The following RETREG1 variants were observed in gnomAD, a reference collection of about 807,000 sequenced individuals.
RETREG1 encodes the protein reticulophagy regulator 1.
In RETREG1, 44 loss-of-function variants were observed where a neutral mutation model predicts 54.8. That is an observed-to-expected ratio of 0.80 (90% CI 0.63 to 1.03). The LOEUF is 1.03. RETREG1 is among the 50% of genes least tolerant of loss of function. The pLI is 0.00. For missense variants in RETREG1, 554 were observed against 605.1 expected, an observed-to-expected ratio of 0.92 and a Z score of 0.89; for synonymous variants, 217 against 238.5, an observed-to-expected ratio of 0.91 and a Z score of 0.83.
chr5:16,508,434 T>G, intron 3 of RETREG1: 1 of 845,180 alleles, frequency 1.2e-6, no homozygotes, highest in East Asian at 2.7e-5. Context: ...CCAAAGAAAA[T>G]TATGTTTCCT....
chr5:16,522,330 G>A (rs777011344), intron 3 of RETREG1, among the ~76,000 whole-genome samples: 10 of 152,090 alleles, frequency 6.6e-5, no homozygotes, highest in Non-Finnish European at 1.2e-4. Context: ...TCGCTGTCTG[G>A]AGATAAACTA....
intron 3 of RETREG1, among the ~76,000 whole-genome samples, chr5:16,518,200 T>C (rs988459547): frequency 6.8e-6 from 1 of 148,120 alleles, no homozygotes; most frequent in African/African-American, 2.4e-5. Flanking sequence ...TATATAAATG[T>C]AATATATGTA....
At position 16,616,908 on chromosome 5, in the gene RETREG1, GCTCCTCGGCGGCAGGAGCCGGGCATCC is replaced by G. The variant is rs1239651905; in HGVS notation, c.37_63del (p.Gly13_Glu21del). 5.4e-6 allele frequency: 8 copies of G among 1,478,952 alleles called. No individual in the cohort carries two copies. The highest frequency in any genetic ancestry group is 2.9e-5 in the African/African-American group (2 of 68,260). 91.6% of individuals were successfully genotyped at this position (1,478,952 alleles called of 1,614,324 possible). A position where few individuals can be genotyped will look rare whatever the true frequency, so the allele number is the denominator to read the frequency against. On this transcript the variant is annotated inframe_deletion, in exon 1 of 9. Coordinates refer to ENST00000306320, the MANE Select transcript of RETREG1 (RefSeq NM_001034850.3). ...GGCGGTGGCGGCGACGGCGGCGCCT[GCTCCTCGGCGGCAGGAGCCGGGCATCC>G]CTCCTCGGCGTGCTCCGGAGGCGCC...
At chr5:16,604,197 C>G (rs1743124076) in intron 1 of RETREG1, among the ~76,000 whole-genome samples, 1 of 152,174 alleles carries the variant, frequency 6.6e-6, no homozygotes, top group African/African-American at 2.4e-5. Flanking sequence ...TTACACCCAG[C>G]AACCTCCCCT....
intron 1 of RETREG1, among the ~76,000 whole-genome samples, chr5:16,613,799 CAGA>C (rs1344304787): frequency 2.0e-5 from 3 of 151,782 alleles, no homozygotes; most frequent in Admixed American, 1.3e-4. Flanking sequence ...TCCCAAGACA[CAGA>C]AGGTTAGAGT....
intron 3 of RETREG1, among the ~76,000 whole-genome samples, chr5:16,557,375 C>A (rs1023205413): frequency 6.6e-6 from 1 of 152,130 alleles, no homozygotes; most frequent in African/African-American, 2.4e-5. Flanking sequence ...TCCTTTTATT[C>A]CAAAACAGCT....
chr5:16,508,780 T>A (rs1333391901), intron 3 of RETREG1: 2 of 1,482,204 alleles, frequency 1.3e-6, no homozygotes, highest in Non-Finnish European at 1.8e-6. Flanking sequence ...CCTCCCTTAC[T>A]CAGAAAGTTG....
chr5:16,610,907 T>C lies in RETREG1; in HGVS notation c.320+5745A>G, dbSNP rs1190776110. ...TTGACCCAGCCATCCCATTACTGGG[T>C]ATATACCCAAAGGACTATAAATCAT... On this transcript the variant is annotated intron_variant, in intron 1 of 8. Transcript: ENST00000306320. Among the ~76,000 whole-genome samples, 13 of 152,146 alleles carry C rather than the reference T, an allele frequency of 8.5e-5. No individual in the cohort carries two copies. The East Asian group carries it at 2.3e-3, about 27-fold the overall frequency.
At chr5:16,494,039 ACTTAGTC>A (rs1470360225) in intron 3 of RETREG1, among the ~76,000 whole-genome samples, 2 of 152,164 alleles carry the variant, frequency 1.3e-5, no homozygotes, top group Non-Finnish European at 1.5e-5. Context: ...CATATTCCCA[ACTTAGTC>A]CTTTAAAGAG....
chr5:16,544,410 G>A (rs896143085), intron 3 of RETREG1, among the ~76,000 whole-genome samples: 1 of 152,140 alleles, frequency 6.6e-6, no homozygotes, highest in Non-Finnish European at 1.5e-5. Flanking sequence ...AACATCAAAG[G>A]TTTGTCATCT....
intron 3 of RETREG1, among the ~76,000 whole-genome samples, chr5:16,516,778 A>T (rs6888589): frequency 0.22 from 32,915 of 152,062 alleles, 3,782 homozygotes; most frequent in Middle Eastern, 0.27. Flanking sequence ...ACAAAAAAAA[A>T]AATCTAACAA....
chr5:16,516,783 T>C (rs1740370378), intron 3 of RETREG1, among the ~76,000 whole-genome samples: 1 of 151,948 alleles, frequency 6.6e-6, no homozygotes, highest in African/African-American at 2.4e-5. Context: ...AAAAAAAATC[T>C]AACAAGCCCA....
intron 3 of RETREG1, among the ~76,000 whole-genome samples, chr5:16,557,156 T>C (rs1197249757): frequency 6.6e-6 from 1 of 152,168 alleles, no homozygotes; most frequent in Non-Finnish European, 1.5e-5. Flanking sequence ...AAGAAATATA[T>C]CCGTTGCTGT....
chr5:16,516,059 A>G (rs1740343502), intron 3 of RETREG1, among the ~76,000 whole-genome samples: 1 of 128,412 alleles, frequency 7.8e-6, no homozygotes, highest in African/African-American at 3.0e-5. Context: ...TAGTTGAAAT[A>G]AAGCAAAAAA....
At chr5:16,554,330 C>T (rs1020209296) in intron 3 of RETREG1, among the ~76,000 whole-genome samples, 6 of 152,120 alleles carry the variant, frequency 3.9e-5, no homozygotes, top group African/African-American at 7.2e-5. Flanking sequence ...ATGACTGGGC[C>T]GTGCCAGTCT....
Position 16,481,219 on chromosome 5 carries a change from T to C in RETREG1, c.586-126A>G. ...AGTGACCTATCTGGTTATTACAGAT[T>C]TTTTCCAAAGAGCATTATTTTGCAC... On this transcript the variant is annotated intron_variant, in intron 4 of 8. Transcript: ENST00000306320. 4 of 756,516 alleles carry C rather than the reference T, an allele frequency of 5.3e-6. No homozygotes were observed. In the South Asian group the frequency reaches 6.2e-5, roughly 12 times the overall value. The allele number at this position is 756,516 out of a possible 1,614,324, so 46.9% of individuals were successfully genotyped here.
intron 1 of RETREG1, among the ~76,000 whole-genome samples, chr5:16,610,907 T>A (rs1190776110): frequency 1.3e-5 from 2 of 152,146 alleles, no homozygotes; most frequent in African/African-American, 4.8e-5. Flanking sequence ...CATTACTGGG[T>A]ATATACCCAA....
chr5:16,577,454 G>A (rs1742358585), intron 1 of RETREG1, among the ~76,000 whole-genome samples: 1 of 151,862 alleles, frequency 6.6e-6, no homozygotes, highest in Admixed American at 6.6e-5. Flanking sequence ...AAGGGGTGAC[G>A]GCCCTTCACT....
intron 1 of RETREG1, among the ~76,000 whole-genome samples, chr5:16,581,633 A>T (rs911404831): frequency 2.6e-5 from 4 of 152,068 alleles, no homozygotes; most frequent in African/African-American, 9.7e-5. Flanking sequence ...TGACCACATC[A>T]ATGGATCCTA....
Sources: allele counts gnomAD v4.1 joint callset (sites outside exome capture counted in the v4.1 genomes callset), GRCh38; gene constraint gnomAD v4.1.1; transcripts MANE v1.5; gene names NCBI Gene and HGNC (gene_info 2026-07-23, HGNC 2026-07-21).